Variants in CCDC126 observed in about 807,000 individuals in gnomAD.
The protein encoded by CCDC126 is coiled-coil domain containing 126, also known as coiled-coil domain-containing protein 126.
CCDC126 carries 5 observed loss-of-function variants against 11.7 expected under a neutral mutation model. The ratio of observed to expected loss-of-function variants is 0.43; its 90% confidence interval spans 0.22 to 0.90. CCDC126 has a LOEUF of 0.90. Ranked by LOEUF, CCDC126 falls within the 40% of genes least tolerant of loss-of-function variation. CCDC126 has a pLI of 0.27. For synonymous variants in CCDC126, 60 were observed against 61.9 expected (o/e 0.97, Z 0.14); for missense variants, 150 against 163.1 (o/e 0.92, Z 0.44).
In CCDC126 at chr7:23,644,107, CATTAT is replaced by C. The variant is rs1377095650; in HGVS notation, c.*1000_*1004del. ...CATTAAATTGCTTGGAAAATGTTAA[CATTAT>C]ATTATATAAGAGTATCCTTTATGAA... On this transcript the variant is annotated 3_prime_UTR_variant, in exon 4 of 4. Coordinates refer to ENST00000307471, the MANE Select transcript of CCDC126 (RefSeq NM_138771.4). 6 of 151,986 alleles carry C rather than the reference CATTAT, an allele frequency of 3.9e-5. No individual in the cohort carries two copies. Among genetic ancestry groups the C allele is most frequent in the African/African-American group, 9.6e-5 (4 of 41,494 alleles). The allele number at this position is 151,986 out of a possible 1,614,324, so 9.4% of individuals were successfully genotyped here. A position where few individuals can be genotyped will look rare whatever the true frequency, so the allele number is the denominator to read the frequency against.
chr7:23,639,814 CCTTT>C (rs1258407642), intron 3 of CCDC126, among the ~76,000 whole-genome samples: 4 of 152,256 alleles, frequency 2.6e-5, no homozygotes, highest in East Asian at 3.9e-4. Context: ...TAGTACTACT[CCTTT>C]CTGATACCTT....
intron 3 of CCDC126, among the ~76,000 whole-genome samples, chr7:23,614,092 T>C (rs1404115744): frequency 3.3e-5 from 5 of 152,172 alleles, no homozygotes; most frequent in African/African-American, 1.2e-4. Context: ...ATAATGAAGT[T>C]TGCCACATTG....
intron 3 of CCDC126, among the ~76,000 whole-genome samples, chr7:23,617,832 ATACTT>A (rs1782820789): frequency 6.6e-6 from 1 of 152,198 alleles, no homozygotes; most frequent in African/African-American, 2.4e-5. Context: ...TTTGATATAA[ATACTT>A]TATTTTCAAT....
intron 3 of CCDC126, among the ~76,000 whole-genome samples, chr7:23,635,906 C>T (rs978202938): frequency 2.6e-5 from 4 of 152,126 alleles, no homozygotes; most frequent in Admixed American, 2.0e-4. Context: ...CCCACGGTCT[C>T]CTTCCACGGT....
intron 2 of CCDC126, among the ~76,000 whole-genome samples, chr7:23,604,912 G>A (rs1362643546): frequency 6.6e-6 from 1 of 151,668 alleles, no homozygotes; most frequent in Admixed American, 6.6e-5. Context: ...GCAGGAGAAT[G>A]GTGTGAACCC....
intron 2 of CCDC126, among the ~76,000 whole-genome samples, chr7:23,609,476 C>G (rs887626947): frequency 6.6e-6 from 1 of 152,050 alleles, no homozygotes; most frequent in Non-Finnish European, 1.5e-5. Context: ...TGGACAATTT[C>G]TAATTTTGTA....
chr7:23,600,376 C>CCA (rs1782517604), intron 2 of CCDC126, among the ~76,000 whole-genome samples: 4 of 103,316 alleles, frequency 3.9e-5, no homozygotes, highest in African/African-American at 1.6e-4. Flanking sequence ...CTGTGTTAAC[C>CCA]CCCCCCCCCC....
At chr7:23,633,155 G>C (rs761920321) in intron 3 of CCDC126, among the ~76,000 whole-genome samples, 2 of 152,122 alleles carry the variant, frequency 1.3e-5, no homozygotes, top group Non-Finnish European at 1.5e-5. Context: ...ACCACACTCA[G>C]CTAATTTTGT....
At position 23,608,009 on chromosome 7, in the gene CCDC126, G is replaced by A. The variant is rs117118636; in HGVS notation, c.-145-3162G>A. Among the ~76,000 whole-genome samples the A allele has an allele frequency of 1.8e-3, 267 of 152,290 alleles. 7 individuals are homozygous for A. In the East Asian group the frequency reaches 0.044, roughly 25 times the overall value. ...AACAGGAATTTATGCTGAGCAGGGT[G>A]GCCGAATATACATATTTAATAAGTT... is the stretch of plus-strand genomic sequence containing the variant. On this transcript the variant is annotated intron_variant, in intron 2 of 3. Transcript: ENST00000307471.
chr7:23,600,632 G>A (rs1183998562), intron 2 of CCDC126, among the ~76,000 whole-genome samples: 2 of 152,152 alleles, frequency 1.3e-5, no homozygotes, highest in Admixed American at 6.6e-5. Flanking sequence ...ACCTTTGGCT[G>A]AGTGAAAGCT....
chr7:23,612,995 C>CT (rs906954550), intron 3 of CCDC126, among the ~76,000 whole-genome samples: 1 of 152,020 alleles, frequency 6.6e-6, no homozygotes, highest in Admixed American at 6.6e-5. Flanking sequence ...GACATTTTCT[C>CT]TATTTCAGTT....
At chr7:23,616,226 C>G (rs1252855813) in intron 3 of CCDC126, among the ~76,000 whole-genome samples, 1 of 152,108 alleles carries the variant, frequency 6.6e-6, no homozygotes, top group Non-Finnish European at 1.5e-5. Context: ...TTAGCACTTT[C>G]TTTATATTGA....
chr7:23,624,681 C>T (rs1459786162), intron 3 of CCDC126, among the ~76,000 whole-genome samples: 1 of 152,174 alleles, frequency 6.6e-6, no homozygotes, highest in Non-Finnish European at 1.5e-5. Context: ...CCTGTGGTAC[C>T]TATGCACGCA....
intron 3 of CCDC126, among the ~76,000 whole-genome samples, chr7:23,612,420 A>G (rs1475342672): frequency 2.4e-5 from 3 of 123,482 alleles, no homozygotes; most frequent in East Asian, 5.6e-4. Context: ...GGTTGTGGTG[A>G]GTCGAGATTG....
intron 3 of CCDC126, among the ~76,000 whole-genome samples, chr7:23,631,471 T>C (rs1222003104): frequency 6.6e-6 from 1 of 152,124 alleles, no homozygotes; most frequent in Non-Finnish European, 1.5e-5. Context: ...GCCCTATTAC[T>C]GTTAAGGAAA....
intron 3 of CCDC126, among the ~76,000 whole-genome samples, chr7:23,638,863 C>CAAAAAAAAAAA (rs61374394): frequency 3.7e-5 from 4 of 108,576 alleles, no homozygotes; most frequent in Non-Finnish European, 3.7e-5. Context: ...AATAAATTAA[C>CAAAAAAAAAAA]AAAAAAAAAA....
At chr7:23,613,486 A>G (rs1179626873) in intron 3 of CCDC126, among the ~76,000 whole-genome samples, 1 of 152,148 alleles carries the variant, frequency 6.6e-6, no homozygotes, top group Non-Finnish European at 1.5e-5. Context: ...CTGCATCTAA[A>G]TAATATGCTC....
chr7:23,638,730 A>AAAAAAAAAAAAAAAAAC (rs1783292998), intron 3 of CCDC126, among the ~76,000 whole-genome samples: 1 of 118,288 alleles, frequency 8.5e-6, no homozygotes, highest in Non-Finnish European at 1.7e-5. Context: ...AAAAAATTAA[A>AAAAAAAAAAAAAAAAAC]AAAAAAAAAA....
At chr7:23,618,479 C>G (rs1782831645) in intron 3 of CCDC126, among the ~76,000 whole-genome samples, 1 of 151,826 alleles carries the variant, frequency 6.6e-6, no homozygotes, top group Non-Finnish European at 1.5e-5. Context: ...ATTCGTCACT[C>G]AGGAAATTCC....
Sources: allele counts gnomAD v4.1 joint callset (sites outside exome capture counted in the v4.1 genomes callset), GRCh38; gene constraint gnomAD v4.1.1; transcripts MANE v1.5; gene names NCBI Gene and HGNC (gene_info 2026-07-23, HGNC 2026-07-21).